The following TRIM3 variants were observed in gnomAD, a reference collection of about 807,000 sequenced individuals.
TRIM3 encodes the protein tripartite motif containing 3.
TRIM3 carries 13 observed loss-of-function variants against 66.6 expected under a neutral mutation model. The observed-to-expected ratio is 0.20, with a 90% CI of 0.13 to 0.31. The LOEUF (loss-of-function observed/expected upper bound fraction) is 0.31. Ranked by LOEUF, TRIM3 falls within the 10% of genes least tolerant of loss-of-function variation. TRIM3 has a pLI of 1.00. For synonymous variants in TRIM3, 406 were observed against 411.7 expected, an observed-to-expected ratio of 0.99 and a Z score of 0.17; for missense variants, 711 against 1,020.4, an observed-to-expected ratio of 0.70 and a Z score of 4.13.
chr11:6,450,248 A>G lies in TRIM3; in HGVS notation c.1941+303T>C. The G allele has an allele frequency of 2.6e-6, 1 of 388,678 alleles. No individual in the cohort carries two copies. The allele number at this position is 388,678 out of a possible 1,614,324, so 24.1% of individuals were successfully genotyped here. On this transcript the variant is annotated intron_variant, in intron 10 of 11. Coordinates refer to ENST00000345851, the MANE Select transcript of TRIM3 (RefSeq NM_033278.4). This position sits in a 1 kb window ranked among gnomAD's most constrained non-coding sequence, Gnocchi z 4.8. ...ATCATACACTTCTGTATCCCTTCCC[A>G]CAGTTCCCTGCACCTTCCTATCACA...
intron 2 of TRIM3, among the ~76,000 whole-genome samples, chr11:6,460,554 G>T (rs1850181044): frequency 6.6e-6 from 1 of 152,174 alleles, no homozygotes; most frequent in Admixed American, 6.5e-5. Flanking sequence ...AAGGAGGAAA[G>T]GAGAGGAGGA....
intron 1 of TRIM3, among the ~76,000 whole-genome samples, chr11:6,468,976 A>C (rs2134228944): frequency 6.6e-6 from 1 of 152,302 alleles, no homozygotes; most frequent in South Asian, 2.1e-4. Context: ...GTAGAGTGTG[A>C]AGGGCATGCC....
rs1849698134 is a variant in TRIM3 at position 6,451,077 on chromosome 11, T to G, written c.1702-17A>C. ...AATCTTGGTCTGGAGGAAGAGAATA[T>G]CCATAAGAGGCTTTATTCTGACAGT... On this transcript the variant is annotated splice_polypyrimidine_tract_variant and intron_variant, in intron 8 of 11. Coordinates refer to ENST00000345851, the MANE Select transcript of TRIM3 (RefSeq NM_033278.4). 1 of 1,613,264 alleles carries G rather than the reference T, an allele frequency of 6.2e-7. No homozygotes were observed. Among genetic ancestry groups the G allele is most frequent in the East Asian group, 2.2e-5 (1 of 44,838 alleles).
intron 2 of TRIM3, among the ~76,000 whole-genome samples, chr11:6,461,765 T>C (rs1013563260): frequency 6.6e-6 from 1 of 152,228 alleles, no homozygotes; most frequent in Non-Finnish European, 1.5e-5. Context: ...GATAGCTTCC[T>C]AACTGGTCTC....
chr11:6,454,398 A>AT (rs1361046902), intron 7 of TRIM3, among the ~76,000 whole-genome samples: 1 of 151,432 alleles, frequency 6.6e-6, no homozygotes, highest in African/African-American at 2.4e-5. Context: ...AAAAAAAAAA[A>AT]AAAAACTATG....
At chr11:6,466,896 A>G (rs1376793057) in intron 1 of TRIM3, among the ~76,000 whole-genome samples, 1 of 152,042 alleles carries the variant, frequency 6.6e-6, no homozygotes, top group Non-Finnish European at 1.5e-5. Flanking sequence ...TCTCCACTCC[A>G]TGCAGTGTTA....
chr11:6,460,421 G>A (rs1850175782), intron 2 of TRIM3, among the ~76,000 whole-genome samples: 1 of 152,124 alleles, frequency 6.6e-6, no homozygotes, highest in Non-Finnish European at 1.5e-5. Flanking sequence ...TATGAATGGA[G>A]GAGTCAGGAG....
intron 1 of TRIM3, among the ~76,000 whole-genome samples, chr11:6,467,293 G>C: frequency 6.6e-6 from 1 of 152,166 alleles, no homozygotes; most frequent in East Asian, 1.9e-4. Context: ...GAAACAACAG[G>C]GAGTCAGGAA....
chr11:6,473,408 G>A (rs1798735314), intron 1 of TRIM3, among the ~76,000 whole-genome samples: 1 of 151,458 alleles, frequency 6.6e-6, no homozygotes, highest in African/African-American at 2.4e-5. Context: ...GGGTGGAGGT[G>A]TCTGCACCAG....
intron 1 of TRIM3, among the ~76,000 whole-genome samples, chr11:6,473,515 C>T (rs1850791937): frequency 6.6e-6 from 1 of 152,064 alleles, no homozygotes; most frequent in African/African-American, 2.4e-5. Context: ...CGTTCAGCAC[C>T]CTCCGCCAAC....
At chr11:6,453,453 A>G (rs1849822565) in intron 7 of TRIM3, among the ~76,000 whole-genome samples, 1 of 152,226 alleles carries the variant, frequency 6.6e-6, no homozygotes, top group African/African-American at 2.4e-5. Flanking sequence ...ATCTGAAAGT[A>G]GATCCCTGAC....
chr11:6,458,093 G>A lies in TRIM3; in HGVS notation c.335C>T (p.Pro112Leu). ...PHPLSVVAGR[P>L]LSCPNHEGKT... ...GCCTTCATGGTTGGGGCAGGAGAGA[G>A]GGCGGCCAGCCACTACACTGAGGGG... Residue 112 changes from proline (P) to leucine (L), a missense_variant, in exon 3 of 12, where the codon CCT (proline) becomes CTT (leucine). Pro to Leu is a moderately conservative substitution (Grantham distance 98). This residue lies in a region of TRIM3 where 149 missense variants were observed against 240.3 expected (regional missense o/e 0.62). Coordinates refer to ENST00000345851, the MANE Select transcript of TRIM3 (RefSeq NM_033278.4). This position sits in a 1 kb window ranked among gnomAD's most constrained non-coding sequence, Gnocchi z 6.2. 1 of 1,610,558 alleles carries A rather than the reference G, an allele frequency of 6.2e-7. No homozygotes were observed. Among genetic ancestry groups the A allele is most frequent in the African/African-American group, 1.3e-5 (1 of 75,038 alleles).
At chr11:6,460,417 T>C (rs1204715775) in intron 2 of TRIM3, among the ~76,000 whole-genome samples, 1 of 151,944 alleles carries the variant, frequency 6.6e-6, no homozygotes, top group African/African-American at 2.4e-5. Flanking sequence ...TGTTTATGAA[T>C]GGAGGAGTCA....
At position 6,456,697 on chromosome 11, in the gene TRIM3, G is replaced by A; in HGVS notation, c.1029C>T (p.Leu343=). The change falls in exon 6 of 12, where the codon CTC becomes CTT. Residue 343 remains leucine (L), a synonymous_variant. Transcript: ENST00000345851. This position sits in a 1 kb window ranked among gnomAD's most constrained non-coding sequence, Gnocchi z 6.4. ...RQALVGQPAS[L]TVTTKDKDGR... ...CGTCCTTGTCTTTGGTAGTGACAGTGAGCGAGGCAGGCTGGCCCACTAGCG... is the reference window on the plus strand; with the variant it reads ...CGTCCTTGTCTTTGGTAGTGACAGTAAGCGAGGCAGGCTGGCCCACTAGCG... 6.2e-7 allele frequency: 1 copy of A among 1,606,586 alleles called. No homozygotes were observed. The highest frequency in any genetic ancestry group is 2.2e-5 in the East Asian group (1 of 44,762).
At chr11:6,455,985 AGG>A in intron 7 of TRIM3, 85 bp downstream of exon 7, 5 of 1,292,296 alleles carry the variant, frequency 3.9e-6, no homozygotes, top group Non-Finnish European at 5.6e-6. Context: ...ATCTTCCAGG[AGG>A]TGACCTGTAC....
At chr11:6,464,269 C>T (rs962101848) in intron 2 of TRIM3, among the ~76,000 whole-genome samples, 1 of 152,148 alleles carries the variant, frequency 6.6e-6, no homozygotes, top group Non-Finnish European at 1.5e-5. Context: ...CTGCTCTAGC[C>T]CTACCAGGCT....
Position 6,456,031 on chromosome 11 carries a change from C to T in TRIM3, c.1533+41G>A. On this transcript the variant is annotated intron_variant, in intron 7 of 11. Transcript: ENST00000345851. The surrounding 1 kb of genome is among the most constrained non-coding windows in gnomAD (Gnocchi z 6.4). ...TTTTCAGTAGCCTGTAGCTTGAAAA[C>T]TCTTATTTTGGTGGTGGAGGAGAGC... The T allele has an allele frequency of 6.3e-7, 1 of 1,589,302 alleles. No individual in the cohort carries two copies. Among genetic ancestry groups the T allele is most frequent in the Non-Finnish European group, 8.6e-7 (1 of 1,157,698 alleles).
At chr11:6,465,158 C>T (rs1003031042) in intron 2 of TRIM3, among the ~76,000 whole-genome samples, 2 of 152,148 alleles carry the variant, frequency 1.3e-5, no homozygotes, top group Non-Finnish European at 2.9e-5. Context: ...GGTTGCCTTT[C>T]ACTCAGTACC....
At chr11:6,460,999 G>A (rs139706383) in intron 2 of TRIM3, among the ~76,000 whole-genome samples, 2,442 of 138,380 alleles carry the variant, frequency 0.018, 21 homozygotes, top group Middle Eastern at 0.028. Context: ...TCCACCTCCC[G>A]GGTTCAAGCG....
Sources: allele counts gnomAD v4.1 joint callset (sites outside exome capture counted in the v4.1 genomes callset), GRCh38; gene constraint gnomAD v4.1.1; regional missense constraint gnomAD v4.1.1; non-coding constraint Gnocchi (gnomAD v3.1); transcripts MANE v1.5; gene names NCBI Gene and HGNC (gene_info 2026-07-23, HGNC 2026-07-21).